Variants in KIAA0513 observed in about 807,000 individuals in gnomAD.
The protein encoded by KIAA0513 is KIAA0513.
In KIAA0513, 39 loss-of-function variants were observed where a neutral mutation model predicts 56.5. That is an observed-to-expected ratio of 0.69 (90% CI 0.53 to 0.90). The LOEUF (loss-of-function observed/expected upper bound fraction) is 0.90. Ranked by LOEUF, KIAA0513 falls within the 40% of genes least tolerant of loss-of-function variation. KIAA0513 has a pLI of 0.00. For synonymous variants in KIAA0513, 268 were observed against 215.6 expected (o/e 1.24, Z -2.13); for missense variants, 591 against 535.2 (o/e 1.10, Z -1.03).
intron 1 of KIAA0513, among the ~76,000 whole-genome samples, chr16:85,065,778 C>T (rs959781286): frequency 6.6e-6 from 1 of 152,162 alleles, no homozygotes; most frequent in African/African-American, 2.4e-5. Context: ...GTCTCCTTCC[C>T]GCCTAGCTGT....
Position 85,042,377 on chromosome 16 carries a change from C to T in KIAA0513, c.-173+14519C>T, listed in dbSNP as rs560619205. 1.2e-4 allele frequency among the ~76,000 whole-genome samples: 19 copies of T among 152,080 alleles called. No individual in the cohort carries two copies. The South Asian group carries it at 3.1e-3, about 25-fold the overall frequency. On this transcript the variant is annotated intron_variant, in intron 1 of 12. Transcript: ENST00000683363. ...TGGTCGAGGGAGTATTAATCCACCC[C>T]GGTGTACTGCAGCTATGTAAAGGGT...
Position 85,077,521 on chromosome 16 carries a change from A to C in KIAA0513, c.671A>C (p.Lys224Thr). Residue 224 changes from lysine to threonine, a missense_variant, in exon 6 of 13, where the codon AAG (lysine) becomes ACG (threonine). Coordinates refer to ENST00000683363, the MANE Select transcript of KIAA0513 (RefSeq NM_001388359.1). ...KSANSWLAEK[K>T]DIAERLLKNT... ...GCAAACAGCTGGCTGGCCGAAAAGA[A>C]GGACATCGCCGAGCGGCTGCTGAAG... The C allele has an allele frequency of 6.2e-7, 1 of 1,614,188 alleles. No homozygotes were observed. Among genetic ancestry groups the C allele is most frequent in the Non-Finnish European group, 8.5e-7 (1 of 1,180,022 alleles).
At chr16:85,084,136 A>G (rs2073780260) in intron 10 of KIAA0513, among the ~76,000 whole-genome samples, 1 of 141,044 alleles carries the variant, frequency 7.1e-6, no homozygotes, top group African/African-American at 2.7e-5. Context: ...ATCTCAGCTC[A>G]CTGCAACCTC....
intron 9 of KIAA0513, 115 bp from the exon 10 acceptor site, chr16:85,082,449 C>T (rs1393429171): frequency 1.0e-6 from 1 of 969,718 alleles, no homozygotes. Flanking sequence ...CTTTCTCTGT[C>T]CCGCTCCGTT....
At chr16:85,083,028 G>A (rs565299415) in intron 10 of KIAA0513, among the ~76,000 whole-genome samples, 8 of 152,356 alleles carry the variant, frequency 5.3e-5, no homozygotes, top group South Asian at 2.1e-4. Flanking sequence ...AGTGGGTCCC[G>A]GCTCATCTGG....
chr16:85,060,269 T>C (rs1400500055), intron 1 of KIAA0513, among the ~76,000 whole-genome samples: 1 of 151,754 alleles, frequency 6.6e-6, no homozygotes, highest in Non-Finnish European at 1.5e-5. Flanking sequence ...CTTTCTTAGG[T>C]TGATTTGTGA....
chr16:85,074,359 C>CAG lies in KIAA0513; in HGVS notation c.503+1362_503+1363insGA. On this transcript the variant is annotated intron_variant, in intron 4 of 12. Transcript: ENST00000683363. ...ATACACACATACACACACACACACA[C>CAG]ACACATATATATTTAGTAGAGATGA... Among the ~76,000 whole-genome samples the CAG allele has an allele frequency of 2.8e-5, 4 of 141,988 alleles. No individual in the cohort carries two copies. In the South Asian group the frequency reaches 6.8e-4, roughly 24 times the overall value. 93.1% of individuals were successfully genotyped at this position (141,988 alleles called of 152,430 possible).
At chr16:85,058,644 C>A (rs1325586321) in intron 1 of KIAA0513, among the ~76,000 whole-genome samples, 11 of 136,822 alleles carry the variant, frequency 8.0e-5, no homozygotes, top group Admixed American at 2.4e-4. Context: ...AAGAGCGGAA[C>A]TCCATCTCAC....
intron 2 of KIAA0513, among the ~76,000 whole-genome samples, 192 bp from the exon 3 acceptor site, chr16:85,071,591 C>T (rs999884655): frequency 1.3e-5 from 2 of 152,190 alleles, no homozygotes; most frequent in Admixed American, 6.5e-5. Flanking sequence ...CCAGGCTCCT[C>T]GCCTTTGAAA....
intron 4 of KIAA0513, among the ~76,000 whole-genome samples, chr16:85,074,373 T>TC (rs2073626397): frequency 6.6e-6 from 1 of 151,568 alleles, no homozygotes; most frequent in African/African-American, 2.4e-5. Flanking sequence ...CATATATATT[T>TC]AGTAGAGATG....
At position 85,088,319 on chromosome 16, in the gene KIAA0513, T is replaced by A; in HGVS notation, c.1230T>A (p.Thr410=). Residue 410 remains threonine, a synonymous_variant, in exon 13 of 13, where the codon ACT becomes ACA. Coordinates refer to ENST00000683363, the MANE Select transcript of KIAA0513 (RefSeq NM_001388359.1). ...GTGACCACATTGAGCAAATGGCCAC[T>A]GAGTAGGCCCCAGAGGTCGCACTCC... ...LLSDHIEQMA[T]E is the part of the protein sequence containing the mutation. 1 of 1,610,562 alleles carries A rather than the reference T, an allele frequency of 6.2e-7. No individual in the cohort carries two copies. Among genetic ancestry groups the A allele is most frequent in the Non-Finnish European group, 8.5e-7 (1 of 1,179,420 alleles).
At chr16:85,075,975 T>C in intron 5 of KIAA0513, 61 bp downstream of exon 5, 1 of 1,314,026 alleles carries the variant, frequency 7.6e-7, no homozygotes, top group Non-Finnish European at 1.1e-6. Flanking sequence ...TAATATGGTG[T>C]CAGAGGAAGC....
chr16:85,040,504 T>C (rs374223613), intron 1 of KIAA0513, among the ~76,000 whole-genome samples: 2 of 152,250 alleles, frequency 1.3e-5, no homozygotes, highest in East Asian at 3.9e-4. Flanking sequence ...CACTCCAGCC[T>C]GGGTGACAGG....
chr16:85,067,163 T>C lies in KIAA0513; in HGVS notation c.92T>C (p.Leu31Pro), dbSNP rs1438761303. The part of the protein sequence containing the change: ...SSPLEAPPPV[L>P]QDGDGSLGDG... ...CCCCTGGAGGCACCACCCCCTGTGC[T>C]GCAGGACGGCGATGGCTCCCTGGGG... Residue 31 changes from leucine (L) to proline (P), a missense_variant, in exon 2 of 13, where the codon CTG (leucine) becomes CCG (proline). Coordinates refer to ENST00000683363, the MANE Select transcript of KIAA0513 (RefSeq NM_001388359.1). 3 of 1,614,058 alleles carry C rather than the reference T, an allele frequency of 1.9e-6. No homozygotes were observed. Among genetic ancestry groups the C allele is most frequent in the African/African-American group, 1.3e-5 (1 of 74,934 alleles).
At chr16:85,030,006 C>G (rs2072940681) in intron 1 of KIAA0513, among the ~76,000 whole-genome samples, 1 of 152,172 alleles carries the variant, frequency 6.6e-6, no homozygotes, top group Non-Finnish European at 1.5e-5. Context: ...CCTTACCGCT[C>G]TGTGGAATGG....
chr16:85,081,811 G>T lies in KIAA0513; in HGVS notation c.980+419G>T, dbSNP rs1430725942. On this transcript the variant is annotated intron_variant, in intron 9 of 12. Transcript: ENST00000683363. This position sits in a 1 kb window ranked among gnomAD's most constrained non-coding sequence, Gnocchi z 4.4. ...GAGCTGGCGCCTGGGGAATGCAGTTGCCGCTCGCAACTCACCTCTTGGGTC... is the reference window on the plus strand; with the variant it reads ...GAGCTGGCGCCTGGGGAATGCAGTTTCCGCTCGCAACTCACCTCTTGGGTC... Among the ~76,000 whole-genome samples the T allele has an allele frequency of 6.6e-6, 1 of 152,192 alleles. No individual in the cohort carries two copies. The highest frequency in any genetic ancestry group is 2.4e-5 in the African/African-American group (1 of 41,452).
intron 1 of KIAA0513, among the ~76,000 whole-genome samples, chr16:85,030,670 G>C (rs953309956): frequency 6.6e-6 from 1 of 151,766 alleles, no homozygotes; most frequent in African/African-American, 2.4e-5. Flanking sequence ...CTGGAACCCA[G>C]GAGGCGGAGG....
intron 1 of KIAA0513, among the ~76,000 whole-genome samples, chr16:85,054,992 G>C (rs1279712070): frequency 6.6e-6 from 1 of 151,618 alleles, no homozygotes; most frequent in Non-Finnish European, 1.5e-5. Flanking sequence ...GTACAATCTC[G>C]GTTTACTGCA....
chr16:85,059,053 G>GAC (rs1291987802), intron 1 of KIAA0513, among the ~76,000 whole-genome samples: 1 of 152,232 alleles, frequency 6.6e-6, no homozygotes, highest in East Asian at 1.9e-4. Flanking sequence ...ATTGGATTTA[G>GAC]ACACACACAT....
Sources: allele counts gnomAD v4.1 joint callset (sites outside exome capture counted in the v4.1 genomes callset), GRCh38; gene constraint gnomAD v4.1.1; non-coding constraint Gnocchi (gnomAD v3.1); transcripts MANE v1.5; gene names NCBI Gene and HGNC (gene_info 2026-07-23, HGNC 2026-07-21).